The following ADAMTS19 variants were observed in gnomAD, a reference collection of about 807,000 sequenced individuals.
ADAMTS19 encodes A disintegrin and metalloproteinase with thrombospondin motifs 19.
A neutral mutation model predicts 153.3 loss-of-function variants in ADAMTS19; 93 were observed. The ratio of observed to expected loss-of-function variants is 0.61; its 90% CI spans 0.51 to 0.72. The LOEUF (loss-of-function observed/expected upper bound fraction) is 0.72. ADAMTS19 is among the 30% of genes least tolerant of loss of function. ADAMTS19 has a pLI of 0.00. For missense variants in ADAMTS19, 1,482 were observed against 1,552.1 expected (o/e 0.95, Z 0.76); for synonymous variants, 600 against 556.6 (o/e 1.08, Z -1.10).
At chr5:129,633,263 T>C (rs892998734) in intron 10 of ADAMTS19, among the ~76,000 whole-genome samples, 1 of 152,164 alleles carries the variant, frequency 6.6e-6, no homozygotes, top group African/African-American at 2.4e-5. Context: ...TCTTTTCATT[T>C]ATTACAAGCC....
At chr5:129,680,019 C>A in intron 17 of ADAMTS19, 98 bp downstream of exon 17, 3 of 1,251,268 alleles carry the variant, frequency 2.4e-6, no homozygotes, top group Non-Finnish European at 3.2e-6. Context: ...TTTGAATTGT[C>A]ACACAGACAT....
intron 2 of ADAMTS19, among the ~76,000 whole-genome samples, chr5:129,504,273 C>T (rs1751198728): frequency 1.3e-5 from 2 of 152,142 alleles, no homozygotes; most frequent in South Asian, 4.1e-4. Flanking sequence ...GGACCTTTCT[C>T]AGATCTTAAA....
intron 18 of ADAMTS19, among the ~76,000 whole-genome samples, chr5:129,691,375 C>T (rs1755328711): frequency 6.6e-6 from 1 of 152,182 alleles, no homozygotes. Flanking sequence ...CAACAGCCTA[C>T]AGCTGTCATA....
chr5:129,591,504 G>C lies in ADAMTS19; in HGVS notation c.1373-5055G>C, dbSNP rs2126908604. Among the ~76,000 whole-genome samples, 3 of 151,788 alleles carry C rather than the reference G, an allele frequency of 2.0e-5. No homozygotes were observed. The South Asian group carries it at 6.3e-4, about 32-fold the overall frequency. The stretch of plus-strand genomic sequence containing the variant: ...GATGGAGTTTCACCATGTTGGCCAG[G>C]GTGGTCTCGAACTCCTGACCTCAGG... On this transcript the variant is annotated intron_variant, in intron 7 of 22. Transcript: ENST00000274487.
intron 3 of ADAMTS19, among the ~76,000 whole-genome samples, chr5:129,517,881 T>C (rs1254441867): frequency 6.6e-6 from 1 of 152,034 alleles, no homozygotes; most frequent in Non-Finnish European, 1.5e-5. Context: ...CTTTTCTTCC[T>C]GTATTCCTCT....
intron 2 of ADAMTS19, among the ~76,000 whole-genome samples, chr5:129,466,735 A>C (rs989985917): frequency 6.6e-6 from 1 of 152,220 alleles, no homozygotes; most frequent in African/African-American, 2.4e-5. Flanking sequence ...CTGAATTGTA[A>C]AAATACATGC....
Position 129,665,587 on chromosome 5 carries a change from G to A in ADAMTS19, c.2506+8G>A. ...CGGCACATAGCTATTTAGGTAACCT[G>A]TGTTACAGACACAGAGAAGATCCAA... On this transcript the variant is annotated splice_region_variant and intron_variant, in intron 16 of 22. Coordinates refer to ENST00000274487, the MANE Select transcript of ADAMTS19 (RefSeq NM_133638.6). The A allele has an allele frequency of 6.2e-7, 1 of 1,602,530 alleles. No homozygotes were observed. The highest frequency in any genetic ancestry group is 1.1e-5 in the South Asian group (1 of 90,144).
intron 8 of ADAMTS19, among the ~76,000 whole-genome samples, chr5:129,605,946 C>A (rs1347597551): frequency 6.6e-6 from 1 of 151,918 alleles, no homozygotes; most frequent in Non-Finnish European, 1.5e-5. Flanking sequence ...TTTGATATGG[C>A]CAAAAATGCA....
At chr5:129,654,198 C>T (rs1275349876) in intron 13 of ADAMTS19, 108 bp from the exon 14 acceptor site, 6 of 1,032,824 alleles carry the variant, frequency 5.8e-6, no homozygotes, top group Non-Finnish European at 1.4e-6. Context: ...ACTTAATTAG[C>T]ATTGAATTAT....
intron 2 of ADAMTS19, among the ~76,000 whole-genome samples, chr5:129,500,036 A>C (rs1051382644): frequency 6.6e-6 from 1 of 152,150 alleles, no homozygotes; most frequent in Non-Finnish European, 1.5e-5. Context: ...GTTTATTTGT[A>C]GGTTCTGAGA....
chr5:129,648,006 G>T, intron 12 of ADAMTS19, 111 bp downstream of exon 12: 1 of 1,223,278 alleles, frequency 8.2e-7, no homozygotes, highest in South Asian at 2.3e-5. Context: ...CTCTACTCAC[G>T]TTGGAAAACA....
chr5:129,469,605 C>T (rs1039605799), intron 2 of ADAMTS19, among the ~76,000 whole-genome samples: 2 of 152,118 alleles, frequency 1.3e-5, no homozygotes, highest in East Asian at 1.9e-4. Context: ...CATTGCAGAA[C>T]TTAGAACTCT....
At chr5:129,557,408 G>A (rs1366519054) in intron 7 of ADAMTS19, among the ~76,000 whole-genome samples, 1 of 152,030 alleles carries the variant, frequency 6.6e-6, no homozygotes. Context: ...AACAAGCCTG[G>A]ACAACATGGT....
chr5:129,689,177 T>G (rs1755222242), intron 18 of ADAMTS19, among the ~76,000 whole-genome samples: 1 of 152,120 alleles, frequency 6.6e-6, no homozygotes, highest in Non-Finnish European at 1.5e-5. Context: ...AGATCTACTT[T>G]GAAGGAAAAA....
chr5:129,652,120 A>G (rs1029131934), intron 13 of ADAMTS19, among the ~76,000 whole-genome samples: 1 of 152,206 alleles, frequency 6.6e-6, no homozygotes, highest in Non-Finnish European at 1.5e-5. Flanking sequence ...TTACAAAGTG[A>G]TGTATATCAT....
chr5:129,706,494 G>A (rs1332741417), intron 21 of ADAMTS19, among the ~76,000 whole-genome samples: 8 of 151,720 alleles, frequency 5.3e-5, no homozygotes, highest in African/African-American at 1.2e-4. Flanking sequence ...GCTTGAACCC[G>A]GGAGGTGGAG....
intron 11 of ADAMTS19, among the ~76,000 whole-genome samples, chr5:129,647,540 A>C (rs1039846126): frequency 1.3e-5 from 2 of 152,134 alleles, no homozygotes; most frequent in African/African-American, 2.4e-5. Context: ...TATAGTAACA[A>C]ATATCTGCGC....
chr5:129,730,543 C>T (rs1221615822), intron 21 of ADAMTS19, among the ~76,000 whole-genome samples: 3 of 152,000 alleles, frequency 2.0e-5, no homozygotes, highest in African/African-American at 7.2e-5. Flanking sequence ...CATAATTTAC[C>T]ATGCAAATAG....
At chr5:129,460,673 T>A in intron 1 of ADAMTS19, 191 bp downstream of exon 1, 1 of 635,988 alleles carries the variant, frequency 1.6e-6, no homozygotes, top group Non-Finnish European at 2.8e-6. Flanking sequence ...GGCCTCGTTT[T>A]AACCGTATGT....
Sources: gnomAD v4.1 joint callset for allele counts (sites outside exome capture counted in the v4.1 genomes callset) on GRCh38, gnomAD v4.1.1 for gene constraint, MANE v1.5 for transcripts, NCBI Gene and HGNC (gene_info 2026-07-23, HGNC 2026-07-21) for gene names.